UQCC6: variants seen among roughly 807,000 people sequenced by gnomAD.
The protein encoded by UQCC6 is protein BRAWNIN.
At chr12:103,964,174 A>T in the UQCC6 span, among the ~76,000 whole-genome samples, 1 of 98,118 alleles carries the variant, frequency 1.0e-5, no homozygotes, top group Non-Finnish European at 1.9e-5. Flanking sequence ...TTTTTTTGAG[A>T]CGGAGTCTCA....
the UQCC6 span, among the ~76,000 whole-genome samples, chr12:103,961,963 G>A: frequency 6.6e-6 from 1 of 152,148 alleles, no homozygotes; most frequent in African/African-American, 2.4e-5. Context: ...GAACAGGTTT[G>A]TAGCCTAGGA....
At chr12:103,952,310 T>C in the UQCC6 span, among the ~76,000 whole-genome samples, 33 of 152,248 alleles carry the variant, frequency 2.2e-4, no homozygotes, top group Non-Finnish European at 4.6e-4. Context: ...CTCTGTGTTC[T>C]TTCAGGTAGA....
At chr12:103,951,393 G>T in the UQCC6 span, 1 of 514,868 alleles carries the variant, frequency 1.9e-6, no homozygotes, top group Non-Finnish European at 3.5e-6. Context: ...CAACGTATCG[G>T]CTAAACATCC....
chr12:103,964,868 CTT>C, the UQCC6 span, among the ~76,000 whole-genome samples: 1,649 of 152,256 alleles, frequency 0.011, 17 homozygotes, highest in Non-Finnish European at 0.014. Flanking sequence ...TTCACTCAAA[CTT>C]TAAACAGTTG....
At chr12:103,956,628 C>G in the UQCC6 span, 1 of 1,542,070 alleles carries the variant, frequency 6.5e-7, no homozygotes, top group South Asian at 1.2e-5. Context: ...CTCCCGCACT[C>G]ACCAGGTCCG....
the UQCC6 span, among the ~76,000 whole-genome samples, chr12:103,958,142 G>T: frequency 1.3e-5 from 2 of 150,036 alleles, no homozygotes; most frequent in Non-Finnish European, 3.0e-5. Flanking sequence ...CTTGAACCCA[G>T]GAGATGGAGG....
At chr12:103,951,579 C>T in the UQCC6 span, 1 of 1,548,530 alleles carries the variant, frequency 6.5e-7, no homozygotes, top group Non-Finnish European at 8.7e-7. Flanking sequence ...TCTTTCAGTC[C>T]CAAAAGCTCC....
chr12:103,954,167 A>G, the UQCC6 span, among the ~76,000 whole-genome samples: 1 of 152,250 alleles, frequency 6.6e-6, no homozygotes, highest in East Asian at 1.9e-4. Flanking sequence ...ACAAATGTCT[A>G]TTTATGTAGA....
At chr12:103,958,696 G>C in the UQCC6 span, among the ~76,000 whole-genome samples, 1 of 152,098 alleles carries the variant, frequency 6.6e-6, no homozygotes, top group South Asian at 2.1e-4. Context: ...ACTTATTGAT[G>C]AACATTTTGG....
chr12:103,961,078 G>A, the UQCC6 span, among the ~76,000 whole-genome samples: 1 of 152,074 alleles, frequency 6.6e-6, no homozygotes, highest in Non-Finnish European at 1.5e-5. Context: ...GACCTTCCAG[G>A]ATGTGGAGGT....
chr12:103,961,544 T>C, the UQCC6 span, among the ~76,000 whole-genome samples: 2 of 76,092 alleles, frequency 2.6e-5, no homozygotes, highest in African/African-American at 1.3e-4. Flanking sequence ...GGTTTTGTTG[T>C]TGTTGTTGTT....
At chr12:103,959,931 CCAGCT>C in the UQCC6 span, among the ~76,000 whole-genome samples, 12,338 of 150,892 alleles carry the variant, frequency 0.082, 692 homozygotes, top group East Asian at 0.21. Context: ...GCCACCATGC[CCAGCT>C]AATTTTTTTT....
chr12:103,956,738 T>G, the UQCC6 span: 2 of 1,549,876 alleles, frequency 1.3e-6, no homozygotes, highest in Non-Finnish European at 8.7e-7. Context: ...CCCGCGGGCA[T>G]GGTCGGCAGG....
the UQCC6 span, chr12:103,953,510 C>A: frequency 1.4e-6 from 1 of 702,268 alleles, no homozygotes; most frequent in Non-Finnish European, 2.6e-6. Context: ...AGTTCTCCGA[C>A]CGAAAGACTT....
the UQCC6 span, chr12:103,956,571 T>C: frequency 8.7e-7 from 1 of 1,147,182 alleles, no homozygotes; most frequent in East Asian, 2.6e-5. Flanking sequence ...GGCTGGGTAA[T>C]TTACAAAGAA....
At chr12:103,955,817 C>T in the UQCC6 span, 24,576 of 455,850 alleles carry the variant, frequency 0.054, 876 homozygotes, top group Non-Finnish European at 0.072. Context: ...GCCATACTTT[C>T]TCATCTCCAC....
At chr12:103,958,629 TTAG>T in the UQCC6 span, among the ~76,000 whole-genome samples, 1 of 152,268 alleles carries the variant, frequency 6.6e-6, no homozygotes, top group Admixed American at 6.5e-5. Context: ...GTTGCATGTC[TTAG>T]TAGTTCACTC....
chr12:103,957,730 G>GT, the UQCC6 span, among the ~76,000 whole-genome samples: 3 of 151,816 alleles, frequency 2.0e-5, no homozygotes, highest in Non-Finnish European at 4.4e-5. Context: ...ATTATTGGTT[G>GT]TTTTTTAAGT....
At chr12:103,963,477 T>C in the UQCC6 span, among the ~76,000 whole-genome samples, 1 of 152,108 alleles carries the variant, frequency 6.6e-6, no homozygotes, top group Admixed American at 6.5e-5. Context: ...CCATATAAAT[T>C]TTAGAATCAT....
Sources: gnomAD v4.1 joint callset for allele counts (sites outside exome capture counted in the v4.1 genomes callset) on GRCh38, gnomAD v4.1.1 for gene constraint, MANE v1.5 for transcripts, NCBI Gene and HGNC (gene_info 2026-07-23, HGNC 2026-07-21) for gene names.